ESRRG: variants seen among roughly 807,000 people sequenced by gnomAD.
The protein encoded by ESRRG is estrogen related receptor gamma, also known as estrogen-related receptor gamma.
In ESRRG, 13 loss-of-function variants were observed where a neutral mutation model predicts 44.0. The observed-to-expected ratio is 0.30, with a 90% CI of 0.19 to 0.47. The LOEUF is 0.47. ESRRG is among the 20% of genes least tolerant of loss of function. The pLI is 1.00. For missense variants in ESRRG, 395 were observed against 580.6 expected (o/e 0.68, Z 3.29); for synonymous variants, 215 against 214.6 (o/e 1.00, Z -0.02).
intron 2 of ESRRG, among the ~76,000 whole-genome samples, chr1:216,768,598 T>A (rs2093226965): frequency 6.6e-6 from 1 of 152,112 alleles, no homozygotes; most frequent in Admixed American, 6.6e-5. Context: ...TAAGTGACCC[T>A]CTTGCCTCAG....
intron 1 of ESRRG, among the ~76,000 whole-genome samples, chr1:217,032,802 T>C (rs2082267352): frequency 6.6e-6 from 1 of 152,220 alleles, no homozygotes; most frequent in Non-Finnish European, 1.5e-5. Context: ...TGGGAAAAGA[T>C]GGTGTCATTC....
At chr1:216,747,270 G>A (rs1011994859) in intron 2 of ESRRG, among the ~76,000 whole-genome samples, 4 of 152,062 alleles carry the variant, frequency 2.6e-5, no homozygotes, top group African/African-American at 7.2e-5. Context: ...GTAATTACCC[G>A]CATCCCACCA....
chr1:216,708,260 T>A (rs2082835043), intron 1 of ESRRG, among the ~76,000 whole-genome samples: 1 of 152,108 alleles, frequency 6.6e-6, no homozygotes, highest in African/African-American at 2.4e-5. Flanking sequence ...GAAACTAGTA[T>A]GTAATTACAA....
At chr1:216,652,636 T>C (rs957167676) in intron 2 of ESRRG, among the ~76,000 whole-genome samples, 2 of 152,114 alleles carry the variant, frequency 1.3e-5, no homozygotes, top group African/African-American at 4.8e-5. Context: ...AACAGAAGTA[T>C]ATACCATCAC....
chr1:216,946,966 C>A (rs1212332846), intron 1 of ESRRG, among the ~76,000 whole-genome samples: 1 of 152,090 alleles, frequency 6.6e-6, no homozygotes, highest in Non-Finnish European at 1.5e-5. Context: ...TCCCTAAGTG[C>A]CATTACAGGT....
At chr1:217,064,698 T>C (rs960772011) in intron 1 of ESRRG, among the ~76,000 whole-genome samples, 14 of 152,180 alleles carry the variant, frequency 9.2e-5, no homozygotes, top group African/African-American at 2.4e-5. Flanking sequence ...CCAAGTGTAT[T>C]ACAACTTGCA....
At chr1:216,883,104 G>A (rs559273128) in intron 2 of ESRRG, among the ~76,000 whole-genome samples, 6 of 152,110 alleles carry the variant, frequency 3.9e-5, no homozygotes, top group South Asian at 2.1e-4. Flanking sequence ...CAGGCTGGGC[G>A]CAGTGGCTCA....
At chr1:216,989,722 T>C (rs2075396192) in intron 1 of ESRRG, among the ~76,000 whole-genome samples, 1 of 152,182 alleles carries the variant, frequency 6.6e-6, no homozygotes, top group South Asian at 2.1e-4. Context: ...AAAAAGTGTG[T>C]CCCTGCAGCT....
At chr1:217,017,810 G>T (rs2079645278) in intron 1 of ESRRG, among the ~76,000 whole-genome samples, 1 of 152,176 alleles carries the variant, frequency 6.6e-6, no homozygotes, top group African/African-American at 2.4e-5. Flanking sequence ...CATAGTGGCA[G>T]CAGTAGCAGA....
chr1:216,811,000 A>G (rs1427496648), intron 2 of ESRRG, among the ~76,000 whole-genome samples: 1 of 152,088 alleles, frequency 6.6e-6, no homozygotes, highest in Non-Finnish European at 1.5e-5. Context: ...AGCCCTGATC[A>G]TACCAGATCA....
At chr1:216,558,196 G>A (rs1211931935) in intron 5 of ESRRG, among the ~76,000 whole-genome samples, 1 of 152,132 alleles carries the variant, frequency 6.6e-6, no homozygotes, top group African/African-American at 2.4e-5. Context: ...AGCAAGGGTA[G>A]CTGCAGAAAA....
At chr1:216,939,511 T>TCAC (rs1301690131) in intron 2 of ESRRG, 1 of 152,076 alleles carries the variant, frequency 6.6e-6, no homozygotes, top group Admixed American at 6.6e-5. Flanking sequence ...CTAATGTGTA[T>TCAC]CACGTGGCAT....
At chr1:216,890,645 C>G (rs778198871) in intron 2 of ESRRG, among the ~76,000 whole-genome samples, 1 of 152,118 alleles carries the variant, frequency 6.6e-6, no homozygotes, top group Non-Finnish European at 1.5e-5. Flanking sequence ...ATAAACTCAG[C>G]CAAATACATC....
Position 216,854,514 on chromosome 1 carries a change from G to A in ESRRG, c.-14+85068C>T, listed in dbSNP as rs78821791. ...GAATACCAGGTAGGTAGACAAATGT[G>A]TACACAAGTCTGAGGATCAACAGGA... On this transcript the variant is annotated intron_variant, in intron 2 of 7. Coordinates refer to the ESRRG transcript ENST00000359162. Among the ~76,000 whole-genome samples, 193 of 152,200 alleles carry A rather than the reference G, an allele frequency of 1.3e-3. 4 individuals are homozygous for A. The East Asian group carries it at 0.031, about 24-fold the overall frequency.
chr1:216,670,046 T>A (rs1182786408), intron 2 of ESRRG, among the ~76,000 whole-genome samples: 3 of 152,246 alleles, frequency 2.0e-5, no homozygotes, highest in Non-Finnish European at 4.4e-5. Flanking sequence ...TTCAATTTTA[T>A]AACATATTAG....
chr1:217,016,517 C>T (rs906050647), intron 1 of ESRRG, among the ~76,000 whole-genome samples: 5 of 152,114 alleles, frequency 3.3e-5, no homozygotes, highest in Non-Finnish European at 7.4e-5. Context: ...CTCCTTCTTT[C>T]CTTCATTCTC....
chr1:216,741,239 TTTATA>T (rs1290554145), intron 2 of ESRRG, among the ~76,000 whole-genome samples: 8 of 138,372 alleles, frequency 5.8e-5, no homozygotes, highest in Non-Finnish European at 1.1e-4. Flanking sequence ...ATATTTATAA[TTTATA>T]TTATATAATT....
chr1:216,985,988 C>A (rs774438686), intron 1 of ESRRG, among the ~76,000 whole-genome samples: 3 of 152,178 alleles, frequency 2.0e-5, no homozygotes, highest in African/African-American at 4.8e-5. Context: ...AGCTTGACCA[C>A]AAAGCTAAAG....
At chr1:216,979,921 G>T (rs1047929179) in intron 1 of ESRRG, among the ~76,000 whole-genome samples, 2 of 152,002 alleles carry the variant, frequency 1.3e-5, no homozygotes, top group African/African-American at 4.8e-5. Flanking sequence ...AATTCCTAAA[G>T]CTCCAAAACC....
Sources: allele counts gnomAD v4.1 joint callset (sites outside exome capture counted in the v4.1 genomes callset), GRCh38; gene constraint gnomAD v4.1.1; transcripts MANE v1.5; gene names NCBI Gene and HGNC (gene_info 2026-07-23, HGNC 2026-07-21).